The following SUPT3H variants were observed in gnomAD, a reference collection of about 807,000 sequenced individuals.
The protein encoded by SUPT3H is transcription initiation protein SPT3 homolog.
Under a neutral mutation model 44.3 loss-of-function variants are expected in SUPT3H, and 44 were observed. The observed-to-expected ratio is 0.99, with a 90% CI of 0.78 to 1.28. SUPT3H has a LOEUF of 1.28. SUPT3H is among the 50% of genes most tolerant of loss of function. SUPT3H has a pLI of 0.00. For missense variants in SUPT3H, 380 were observed against 387.1 expected (o/e 0.98, Z 0.15); for synonymous variants, 124 against 125.6 (o/e 0.99, Z 0.09).
chr6:45,330,235 C>A lies in SUPT3H; in HGVS notation c.101+34966G>T, dbSNP rs565241257. The stretch of plus-strand genomic sequence containing the variant: ...AATTTAAAATTTTAATGATGGGTAC[C>A]AAGTATTACTCTAAAAACTTCTATA... On this transcript the variant is annotated intron_variant, in intron 2 of 10. Transcript: ENST00000371459. Among the ~76,000 whole-genome samples, 36 of 151,754 alleles carry A rather than the reference C, an allele frequency of 2.4e-4. 1 individual carries two copies. Among genetic ancestry groups the A allele is most frequent in the African/African-American group, 8.7e-4 (36 of 41,410 alleles).
Position 45,019,793 on chromosome 6 carries a change from T to C in SUPT3H, c.273+753A>G, listed in dbSNP as rs568648901. ...TACAACCTTGAAGTTTCATGAGTCT[T>C]AAAATTCTTCTTCAAGTAAATCATA... On this transcript the variant is annotated intron_variant, in intron 4 of 10. Coordinates refer to ENST00000371459, the MANE Select transcript of SUPT3H (RefSeq NM_003599.4). Among the ~76,000 whole-genome samples, 6 of 152,142 alleles carry C rather than the reference T, an allele frequency of 3.9e-5. No homozygotes were observed. In the East Asian group the frequency reaches 1.2e-3, roughly 29 times the overall value.
At chr6:45,246,455 ACAGGAAGT>A (rs1771360722) in intron 2 of SUPT3H, among the ~76,000 whole-genome samples, 1 of 152,134 alleles carries the variant, frequency 6.6e-6, no homozygotes. Flanking sequence ...CATCATCGTA[ACAGGAAGT>A]AGAGTGCAAC....
At chr6:44,817,365 C>A (rs942734439) in intron 11 of SUPT3H, among the ~76,000 whole-genome samples, 2 of 151,922 alleles carry the variant, frequency 1.3e-5, no homozygotes, top group Non-Finnish European at 2.9e-5. Context: ...CTAAGAAAAT[C>A]TTAGCTAATT....
intron 2 of SUPT3H, among the ~76,000 whole-genome samples, chr6:45,166,984 A>G (rs1809993087): frequency 6.6e-6 from 1 of 152,224 alleles, no homozygotes; most frequent in Non-Finnish European, 1.5e-5. Context: ...AACAGTAAAC[A>G]TACACTACAT....
intron 3 of SUPT3H, among the ~76,000 whole-genome samples, chr6:45,050,815 T>C (rs1229590633): frequency 1.3e-5 from 2 of 151,326 alleles, no homozygotes; most frequent in Non-Finnish European, 2.9e-5. Flanking sequence ...TAGTAAAGAG[T>C]AGAAATGTAA....
intron 3 of SUPT3H, among the ~76,000 whole-genome samples, chr6:45,069,255 A>T (rs1009995649): frequency 6.6e-6 from 1 of 152,196 alleles, no homozygotes; most frequent in African/African-American, 2.4e-5. Context: ...AGGAACCAAA[A>T]ACTTCATGCA....
intron 2 of SUPT3H, among the ~76,000 whole-genome samples, chr6:45,157,411 T>C (rs1163135799): frequency 6.6e-6 from 1 of 151,904 alleles, no homozygotes. Context: ...CACATTAGAC[T>C]CACCTACAGA....
At chr6:45,007,961 C>A (rs554466389) in intron 5 of SUPT3H, among the ~76,000 whole-genome samples, 1 of 152,170 alleles carries the variant, frequency 6.6e-6, no homozygotes, top group South Asian at 2.1e-4. Flanking sequence ...TGGTTTCTTT[C>A]ATTTAGCTTA....
chr6:44,832,162 A>G (rs1768914145), intron 10 of SUPT3H, among the ~76,000 whole-genome samples: 1 of 152,110 alleles, frequency 6.6e-6, no homozygotes, highest in African/African-American at 2.4e-5. Flanking sequence ...CAACTTTGGC[A>G]TGCTTTCCAG....
chr6:45,211,576 C>T (rs895105423), intron 2 of SUPT3H, among the ~76,000 whole-genome samples: 1 of 152,074 alleles, frequency 6.6e-6, no homozygotes, highest in African/African-American at 2.4e-5. Context: ...CTGGGCCAGG[C>T]GTGGTGGCTC....
chr6:45,280,713 GA>G (rs1230647686), intron 2 of SUPT3H, among the ~76,000 whole-genome samples: 1 of 152,186 alleles, frequency 6.6e-6, no homozygotes, highest in Non-Finnish European at 1.5e-5. Flanking sequence ...TGGATAAGAG[GA>G]AACCAACTAC....
At chr6:45,134,471 C>T (rs1803968049) in intron 2 of SUPT3H, among the ~76,000 whole-genome samples, 1 of 152,152 alleles carries the variant, frequency 6.6e-6, no homozygotes. Flanking sequence ...ATCCCAATAG[C>T]CCCAAAGTCT....
chr6:45,069,309 G>A (rs1243350170), intron 3 of SUPT3H, among the ~76,000 whole-genome samples: 12 of 152,118 alleles, frequency 7.9e-5, no homozygotes, highest in African/African-American at 2.9e-4. Context: ...AGGGAAGAGC[G>A]ACATGACAAA....
chr6:44,962,071 A>G (rs1212580049), intron 6 of SUPT3H, among the ~76,000 whole-genome samples: 2 of 152,228 alleles, frequency 1.3e-5, no homozygotes, highest in East Asian at 1.9e-4. Context: ...CTAAAACTAA[A>G]GGACCTCACG....
chr6:44,901,389 T>G (rs971360081), intron 10 of SUPT3H, among the ~76,000 whole-genome samples: 2 of 152,152 alleles, frequency 1.3e-5, no homozygotes, highest in Admixed American at 6.5e-5. Flanking sequence ...CAAGCCTCAG[T>G]AGCCGATATG....
At chr6:45,348,674 CAAAA>C (rs574845659) in intron 2 of SUPT3H, among the ~76,000 whole-genome samples, 1 of 76,028 alleles carries the variant, frequency 1.3e-5, no homozygotes. Flanking sequence ...AACTCCAACT[CAAAA>C]AAAAAAAAAA....
chr6:44,920,419 AAAAAATT>A (rs1029463723), intron 10 of SUPT3H, among the ~76,000 whole-genome samples: 3 of 152,004 alleles, frequency 2.0e-5, no homozygotes, highest in African/African-American at 7.2e-5. Context: ...AAAAAGTTTT[AAAAAATT>A]AGCCAGGCAT....
At chr6:45,194,268 G>C (rs1193105204) in intron 2 of SUPT3H, among the ~76,000 whole-genome samples, 2 of 151,460 alleles carry the variant, frequency 1.3e-5, no homozygotes, top group Non-Finnish European at 2.9e-5. Context: ...TGTATCCCTG[G>C]TTTCACAAGA....
chr6:45,292,725 T>G (rs575647364), intron 2 of SUPT3H, among the ~76,000 whole-genome samples: 9 of 82,536 alleles, frequency 1.1e-4, no homozygotes, highest in African/African-American at 2.8e-4. Context: ...CAACAGCAGT[T>G]AAAAAAGACA....
Sources: gnomAD v4.1 joint callset for allele counts (sites outside exome capture counted in the v4.1 genomes callset) on GRCh38, gnomAD v4.1.1 for gene constraint, MANE v1.5 for transcripts, NCBI Gene and HGNC (gene_info 2026-07-23, HGNC 2026-07-21) for gene names.